Variants in PLD3 observed in about 807,000 individuals in gnomAD.
PLD3 encodes phospholipase D family member 3.
In PLD3, 31 loss-of-function variants were observed where a neutral mutation model predicts 58.4. The observed-to-expected ratio is 0.53, with a 90% CI of 0.40 to 0.72. PLD3 has a LOEUF of 0.72. Ranked by LOEUF, PLD3 falls within the 30% of genes least tolerant of loss-of-function variation. PLD3 has a pLI of 0.00. For missense variants in PLD3, 595 were observed against 659.8 expected, an observed-to-expected ratio of 0.90 and a Z score of 1.08; for synonymous variants, 264 against 273.4, an observed-to-expected ratio of 0.97 and a Z score of 0.34.
At chr19:40,367,582 T>TA (rs762087566) in intron 5 of PLD3, 114 bp from the exon 6 acceptor site, 65,019 of 733,026 alleles carry the variant, frequency 0.089, 8 homozygotes, top group South Asian at 0.098. Context: ...ACTCTGTCTC[T>TA]AAAAAAAAAA....
chr19:40,365,310 A>C (rs991234470), intron 1 of PLD3, among the ~76,000 whole-genome samples: 1 of 152,136 alleles, frequency 6.6e-6, no homozygotes, highest in African/African-American at 2.4e-5. Context: ...TCGGAAAATA[A>C]ATTTTTTTAA....
chr19:40,371,883 G>A lies in PLD3; in HGVS notation c.879+10G>A. 1.2e-6 allele frequency: 2 copies of A among 1,608,092 alleles called. No homozygotes were observed. The highest frequency in any genetic ancestry group is 1.7e-6 in the Non-Finnish European group (2 of 1,175,232). On this transcript the variant is annotated intron_variant, in intron 9 of 12. Transcript: ENST00000409735. ...TCTGGCCTACCTGGCGGTGAGTCTG[G>A]GGCAAGTGGGGCCTGTCATGTCCCA...
intron 11 of PLD3, among the ~76,000 whole-genome samples, chr19:40,377,110 C>T (rs1426889843): frequency 2.4e-4 from 7 of 29,164 alleles, no homozygotes; most frequent in Admixed American, 1.7e-3. Context: ...GCAGAAGGGT[C>T]GGGGCCGGGT....
chr19:40,369,903 C>A lies in PLD3; in HGVS notation c.430-5C>A, dbSNP rs3745199. 13 of 1,551,376 alleles carry A rather than the reference C, an allele frequency of 8.4e-6. No individual in the cohort carries two copies. The highest frequency in any genetic ancestry group is 9.6e-6 in the Non-Finnish European group (11 of 1,148,464). On this transcript the variant is annotated splice_region_variant and splice_polypyrimidine_tract_variant and intron_variant, in intron 6 of 12. Transcript: ENST00000409735. ...AGCCCCTCAGAAGCTCTCCCCTCCC[C>A]GCAGGGTGAGGAGGTCCTCCGGCAG...
In PLD3 at chr19:40,367,539, C is replaced by T. The variant is rs1480306020; in HGVS notation, c.246-157C>T. ...GAGGCTGCAGTGAGCTGAGATGGCG[C>T]CACTGCGCTTCCAGCCTGGGGGACA... On this transcript the variant is annotated intron_variant, in intron 5 of 12. Coordinates refer to ENST00000409735, the MANE Select transcript of PLD3 (RefSeq NM_012268.4). 7 of 595,984 alleles carry T rather than the reference C, an allele frequency of 1.2e-5. No individual in the cohort carries two copies. The South Asian group carries it at 1.7e-4, about 15-fold the overall frequency. 36.9% of individuals were successfully genotyped at this position (595,984 alleles called of 1,614,324 possible). A position where few individuals can be genotyped will look rare whatever the true frequency, so the allele number is the denominator to read the frequency against.
chr19:40,376,726 C>T lies in PLD3; in HGVS notation c.1137C>T (p.Leu379=). 1 of 1,602,234 alleles carries T rather than the reference C, an allele frequency of 6.2e-7. No individual in the cohort carries two copies. The highest frequency in any genetic ancestry group is 8.5e-7 in the Non-Finnish European group (1 of 1,179,954). The change falls in exon 11 of 13, where the codon CTC becomes CTT. Residue 379 remains leucine (L), a synonymous_variant. Coordinates refer to ENST00000409735, the MANE Select transcript of PLD3 (RefSeq NM_012268.4). ...HSEPSMRAFL[L]SLAALRDNHT... ...AGCCATCCATGCGGGCCTTCCTGCT[C>T]TCTCTGGCTGCCCTGCGTGACAACC...
chr19:40,364,959 TAAAAA>T (rs1568662107), intron 1 of PLD3, among the ~76,000 whole-genome samples: 3 of 151,836 alleles, frequency 2.0e-5, no homozygotes, highest in Admixed American at 2.0e-4. Context: ...ACTCTGGCAC[TAAAAA>T]AAGAAAAGAA....
At chr19:40,366,094 G>T in intron 2 of PLD3, 164 bp downstream of exon 2, 3 of 289,414 alleles carry the variant, frequency 1.0e-5, no homozygotes, top group Non-Finnish European at 2.0e-5. Flanking sequence ...AAAGACCTGG[G>T]GCTCCGCTGA....
At chr19:40,375,668 A>G (rs1312389404) in intron 10 of PLD3, among the ~76,000 whole-genome samples, 1 of 150,046 alleles carries the variant, frequency 6.7e-6, no homozygotes, top group Non-Finnish European at 1.5e-5. Context: ...AAAAAAGAAA[A>G]GAAAAAAAAA....
At position 40,377,926 on chromosome 19, in the gene PLD3, G is replaced by T; in HGVS notation, c.1285+41G>T. On this transcript the variant is annotated intron_variant, in intron 12 of 12. Coordinates refer to ENST00000409735, the MANE Select transcript of PLD3 (RefSeq NM_012268.4). Reference sequence around the variant, plus strand: ...ACCACGGGGCGCTGAAGAAGAGGGGGTTCAGACACCAGGGGCGGCCCCCCG... The same window carrying T: ...ACCACGGGGCGCTGAAGAAGAGGGGTTTCAGACACCAGGGGCGGCCCCCCG... The T allele has an allele frequency of 2.5e-6, 4 of 1,612,696 alleles. No individual in the cohort carries two copies. In the South Asian group the frequency reaches 3.3e-5, roughly 13 times the overall value.
chr19:40,371,913 C>G, intron 9 of PLD3, 40 bp downstream of exon 9: 1 of 1,506,042 alleles, frequency 6.6e-7, no homozygotes, highest in South Asian at 1.1e-5. Context: ...GTCCCAGCCC[C>G]ATGCCGTCAC....
At chr19:40,377,140 G>A (rs571647807) in intron 11 of PLD3, among the ~76,000 whole-genome samples, 1 of 141,930 alleles carries the variant, frequency 7.0e-6, no homozygotes, top group East Asian at 2.2e-4. Context: ...CAGAGAGAGG[G>A]GTTAGGGCCA....
intron 6 of PLD3, 120 bp from the exon 7 acceptor site, chr19:40,369,788 C>A: frequency 1.2e-6 from 1 of 860,738 alleles, no homozygotes; most frequent in Non-Finnish European, 1.7e-6. Context: ...TTAATCTATG[C>A]AGGCTAATGT....
At chr19:40,366,314 T>C in intron 2 of PLD3, 105 bp from the exon 3 acceptor site, 1 of 668,406 alleles carries the variant, frequency 1.5e-6, no homozygotes, top group Non-Finnish European at 2.7e-6. Context: ...AGTGTGCCAG[T>C]GGCCCCCATG....
chr19:40,363,831 G>C (rs1051912642), intron 1 of PLD3, among the ~76,000 whole-genome samples: 1 of 152,188 alleles, frequency 6.6e-6, no homozygotes, highest in Non-Finnish European at 1.5e-5. Flanking sequence ...CATTGGTAGG[G>C]AGGAGTTTGC....
Position 40,366,525 on chromosome 19 carries a change from G to A in PLD3, c.27+15G>A. 2 of 1,611,840 alleles carry A rather than the reference G, an allele frequency of 1.2e-6. No homozygotes were observed. Among genetic ancestry groups the A allele is most frequent in the Non-Finnish European group, 1.7e-6 (2 of 1,178,634 alleles). On this transcript the variant is annotated intron_variant, in intron 3 of 12. Transcript: ENST00000409735. ...TGTACCAGGAGGTAGGTGGATTGGG[G>A]GGCTCAGCAGGGTGGAACTGGGTAC...
intron 1 of PLD3, among the ~76,000 whole-genome samples, chr19:40,350,226 C>CTGTA (rs1349462163): frequency 7.6e-6 from 1 of 131,854 alleles, no homozygotes; most frequent in East Asian, 2.4e-4. Flanking sequence ...TGCCATTGCA[C>CTGTA]TGTAGCCTGG....
chr19:40,370,363 T>C, intron 8 of PLD3, 126 bp downstream of exon 8: 2 of 1,095,088 alleles, frequency 1.8e-6, no homozygotes, highest in Non-Finnish European at 2.6e-6. Context: ...GGCTTCCTTC[T>C]TGCCTCCTAC....
In PLD3 at chr19:40,378,354, C is replaced by A; in HGVS notation, c.*181C>A. 1.4e-6 allele frequency: 1 copy of A among 715,964 alleles called. No individual in the cohort carries two copies. The highest frequency in any genetic ancestry group is 2.5e-6 in the Non-Finnish European group (1 of 399,512). The allele number at this position is 715,964 out of a possible 1,614,324, so 44.4% of individuals were successfully genotyped here. ...CGGCCTGACGCTGTGGCCCCGGGAC[C>A]CAGCAGAGCTGGGGGAGGGATCAGC... On this transcript the variant is annotated 3_prime_UTR_variant, in exon 13 of 13. Transcript: ENST00000409735.
Sources: gnomAD v4.1 joint callset for allele counts (sites outside exome capture counted in the v4.1 genomes callset) on GRCh38, gnomAD v4.1.1 for gene constraint, MANE v1.5 for transcripts, NCBI Gene and HGNC (gene_info 2026-07-23, HGNC 2026-07-21) for gene names.